Variants in KIF26B observed in about 807,000 individuals in gnomAD.
KIF26B encodes kinesin-like protein KIF26B.
Under a neutral mutation model 151.2 loss-of-function variants are expected in KIF26B, and 63 were observed. The observed-to-expected ratio is 0.42, with a 90% CI of 0.34 to 0.51. The LOEUF (loss-of-function observed/expected upper bound fraction) is 0.51, where lower values mean the gene tolerates loss of function less well. Ranked by LOEUF, KIF26B falls within the 20% of genes least tolerant of loss-of-function variation. The pLI, the probability that KIF26B is intolerant of heterozygous loss-of-function variation, is 0.07. For synonymous variants in KIF26B, 1,357 were observed against 1,262.1 expected, an observed-to-expected ratio of 1.08 and a Z score of -1.59; for missense variants, 2,813 against 2,913.6, an observed-to-expected ratio of 0.97 and a Z score of 0.79.
chr1:245,502,363 C>T (rs1660638237), intron 4 of KIF26B, among the ~76,000 whole-genome samples: 1 of 152,084 alleles, frequency 6.6e-6, no homozygotes, highest in South Asian at 2.1e-4. Context: ...CCTGTCTCTA[C>T]TAAAAATACA....
chr1:245,257,698 C>T (rs1670563393), intron 2 of KIF26B, among the ~76,000 whole-genome samples: 2 of 152,076 alleles, frequency 1.3e-5, no homozygotes, highest in South Asian at 4.2e-4. Context: ...GCTTAGGTGG[C>T]AGAGGACAGG....
At chr1:245,620,042 C>T (rs76316791) in intron 9 of KIF26B, among the ~76,000 whole-genome samples, 6,560 of 151,980 alleles carry the variant, frequency 0.043, 204 homozygotes, top group African/African-American at 0.078. Flanking sequence ...AGAAGCCTCA[C>T]AACGCAACAG....
At chr1:245,623,621 T>A (rs1206130472) in intron 9 of KIF26B, among the ~76,000 whole-genome samples, 1 of 152,166 alleles carries the variant, frequency 6.6e-6, no homozygotes, top group East Asian at 1.9e-4. Flanking sequence ...CCAAATGACA[T>A]CACAAGTAGA....
intron 2 of KIF26B, among the ~76,000 whole-genome samples, chr1:245,234,191 AAAAG>A (rs754784214): frequency 1.3e-5 from 2 of 152,178 alleles, no homozygotes; most frequent in African/African-American, 2.4e-5. Flanking sequence ...CTTAAAAAAA[AAAAG>A]AAAGAAAAGA....
chr1:245,250,948 A>T (rs1027752463), intron 2 of KIF26B, among the ~76,000 whole-genome samples: 5 of 152,176 alleles, frequency 3.3e-5, no homozygotes, highest in Non-Finnish European at 5.9e-5. Flanking sequence ...AAAAGATATA[A>T]AGCAAAATTA....
intron 2 of KIF26B, among the ~76,000 whole-genome samples, chr1:245,172,302 A>T (rs1668727204): frequency 6.6e-6 from 1 of 152,154 alleles, no homozygotes; most frequent in Non-Finnish European, 1.5e-5. Flanking sequence ...CTGCTGGAAC[A>T]TTGCATCTTT....
intron 10 of KIF26B, among the ~76,000 whole-genome samples, chr1:245,670,817 G>A (rs1428841711): frequency 6.6e-6 from 1 of 152,112 alleles, no homozygotes; most frequent in Non-Finnish European, 1.5e-5. Context: ...GGAGAATGGG[G>A]TATCCATCCC....
chr1:245,568,374 G>T (rs2043032624), intron 5 of KIF26B, among the ~76,000 whole-genome samples: 1 of 151,514 alleles, frequency 6.6e-6, no homozygotes, highest in South Asian at 2.1e-4. Context: ...AATTAGCCAG[G>T]TGTGGTGGTG....
Position 245,602,728 on chromosome 1 carries a change from A to T in KIF26B, c.1502A>T (p.Gln501Leu). 1 of 1,614,050 alleles carries T rather than the reference A, an allele frequency of 6.2e-7. No individual in the cohort carries two copies. The highest frequency in any genetic ancestry group is 8.5e-7 in the Non-Finnish European group (1 of 1,179,900). The change falls in exon 6 of 15, where the codon CAG becomes CTG. Residue 501 changes from glutamine (Q) to leucine (L), a missense_variant. Coordinates refer to ENST00000407071, the MANE Select transcript of KIF26B (RefSeq NM_018012.4). The surrounding 1 kb of genome is among the most constrained non-coding windows in gnomAD (Gnocchi z 4.5). ...AATGCCTTCCAAAAGAGAGGCAACC[A>T]GGTTCCTCCAAAGATGTTTGCCTTC... ...GQNAFQKRGN[Q>L]VPPKMFAFDA...
chr1:245,392,174 G>A (rs554270918), intron 3 of KIF26B, among the ~76,000 whole-genome samples: 16 of 152,160 alleles, frequency 1.1e-4, no homozygotes, highest in South Asian at 4.1e-4. Flanking sequence ...GAGAATCACC[G>A]GCCTTCGGCG....
At chr1:245,373,350 A>T (rs1673170259) in intron 3 of KIF26B, among the ~76,000 whole-genome samples, 1 of 152,220 alleles carries the variant, frequency 6.6e-6, no homozygotes, top group African/African-American at 2.4e-5. Context: ...CTAATCTTTA[A>T]CCTGAAGTGT....
chr1:245,403,555 C>T (rs756314073), intron 3 of KIF26B, among the ~76,000 whole-genome samples: 17 of 152,084 alleles, frequency 1.1e-4, no homozygotes, highest in Non-Finnish European at 1.2e-4. Flanking sequence ...TGTGTGTGCG[C>T]GCGCATGTGT....
At position 245,347,296 on chromosome 1, in the gene KIF26B, CTTTCT is replaced by C. The variant is rs958562264; in HGVS notation, c.466-19530_466-19526del. 6.6e-5 allele frequency among the ~76,000 whole-genome samples: 10 copies of C among 152,080 alleles called. No homozygotes were observed. In the East Asian group the frequency reaches 1.5e-3, roughly 24 times the overall value. On this transcript the variant is annotated intron_variant, in intron 2 of 14. Transcript: ENST00000407071. ...CACACATCTCATTAACTACTGTCCC[CTTTCT>C]TTTCTTTCTTTCTTTCTTTCTTTTT...
At chr1:245,466,221 T>A (rs1272864243) in intron 4 of KIF26B, among the ~76,000 whole-genome samples, 1 of 151,956 alleles carries the variant, frequency 6.6e-6, no homozygotes, top group African/African-American at 2.4e-5. Context: ...GTTTCCCTCC[T>A]GATAAAAAAT....
Position 245,707,071 on chromosome 1 carries a change from A to G in KIF26B, c.*4465A>G, listed in dbSNP as rs989904163. The G allele has an allele frequency of 4.6e-5, 7 of 152,218 alleles. No homozygotes were observed. The highest frequency in any genetic ancestry group is 1.0e-4 in the Non-Finnish European group (7 of 68,044). The allele number at this position is 152,218 out of a possible 1,614,324, so 9.4% of individuals were successfully genotyped here. On this transcript the variant is annotated 3_prime_UTR_variant, in exon 15 of 15. Coordinates refer to ENST00000407071, the MANE Select transcript of KIF26B (RefSeq NM_018012.4). ...TTATTTCCATCATAATGCAAGCGTAATTCTAATCCGGGAGAAGATACTGTC... is the reference window on the plus strand; with the variant it reads ...TTATTTCCATCATAATGCAAGCGTAGTTCTAATCCGGGAGAAGATACTGTC...
intron 2 of KIF26B, among the ~76,000 whole-genome samples, chr1:245,330,045 G>A (rs1437609859): frequency 2.0e-5 from 3 of 152,010 alleles, no homozygotes; most frequent in East Asian, 2.0e-4. Context: ...GGGCTCAACC[G>A]ATCTGAAGTG....
chr1:245,571,053 C>G (rs2043062334), intron 5 of KIF26B, among the ~76,000 whole-genome samples: 2 of 152,176 alleles, frequency 1.3e-5, no homozygotes, highest in African/African-American at 4.8e-5. Flanking sequence ...AATAACAAAG[C>G]TGCATCATAT....
At chr1:245,673,689 T>C (rs971169722) in intron 10 of KIF26B, 9 of 152,252 alleles carry the variant, frequency 5.9e-5, no homozygotes, top group African/African-American at 1.7e-4. Flanking sequence ...ATATGTTTCT[T>C]ACCTGAAACA....
At chr1:245,662,879 CCTTG>C (rs2044171723) in intron 10 of KIF26B, among the ~76,000 whole-genome samples, 1 of 151,816 alleles carries the variant, frequency 6.6e-6, no homozygotes, top group East Asian at 1.9e-4. Flanking sequence ...CTTTCTGTGG[CCTTG>C]CTTGTTTTTT....
Sources: allele counts gnomAD v4.1 joint callset (sites outside exome capture counted in the v4.1 genomes callset), GRCh38; gene constraint gnomAD v4.1.1; non-coding constraint Gnocchi (gnomAD v3.1); transcripts MANE v1.5; gene names NCBI Gene and HGNC (gene_info 2026-07-23, HGNC 2026-07-21).